Variants in ZFAT observed in about 807,000 individuals in gnomAD.
ZFAT encodes the protein zinc finger protein ZFAT.
Under a neutral mutation model 117.7 loss-of-function variants are expected in ZFAT, and 64 were observed. That is an observed-to-expected ratio of 0.54 (90% confidence interval 0.44 to 0.67). The LOEUF (loss-of-function observed/expected upper bound fraction) is 0.67. Ranked by LOEUF, ZFAT falls within the 30% of genes least tolerant of loss-of-function variation. The pLI, the probability that ZFAT is intolerant of heterozygous loss-of-function variation, is 0.00. For missense variants in ZFAT, 1,433 were observed against 1,584.5 expected (o/e 0.90, Z 1.62); for synonymous variants, 679 against 615.0 (o/e 1.10, Z -1.54).
At chr8:134,721,433 C>T in the ZFAT span, among the ~76,000 whole-genome samples, 19 of 152,154 alleles carry the variant, frequency 1.2e-4, no homozygotes, top group African/African-American at 1.4e-4. Flanking sequence ...CCTTTCAAAC[C>T]GAGGAGCTCA....
intron 10 of ZFAT, among the ~76,000 whole-genome samples, chr8:134,566,998 T>A (rs1824515910): frequency 6.6e-6 from 1 of 152,172 alleles, no homozygotes; most frequent in Non-Finnish European, 1.5e-5. Context: ...CTACTCTAAG[T>A]CTACAAGCAT....
intron 3 of ZFAT, among the ~76,000 whole-genome samples, chr8:134,628,850 T>C (rs1158455689): frequency 6.6e-6 from 1 of 152,192 alleles, no homozygotes; most frequent in Non-Finnish European, 1.5e-5. Flanking sequence ...AGGAAATGAA[T>C]TAATATTTGT....
chr8:134,558,601 G>C (rs1049806072), intron 11 of ZFAT, among the ~76,000 whole-genome samples: 1 of 152,136 alleles, frequency 6.6e-6, no homozygotes, highest in African/African-American at 2.4e-5. Context: ...TTTAGAGTGA[G>C]CTATTTTTAA....
chr8:134,645,435 G>C (rs1219794523), intron 2 of ZFAT, among the ~76,000 whole-genome samples: 1 of 152,022 alleles, frequency 6.6e-6, no homozygotes, highest in Non-Finnish European at 1.5e-5. Flanking sequence ...TTTAACTAAG[G>C]AATTCATGCT....
chr8:134,641,004 C>T (rs1272450993), intron 2 of ZFAT, among the ~76,000 whole-genome samples: 1 of 152,100 alleles, frequency 6.6e-6, no homozygotes. Context: ...CTAAAGATGT[C>T]TCTCCAGTAA....
the ZFAT span, among the ~76,000 whole-genome samples, chr8:134,756,992 C>T: frequency 7.3e-5 from 11 of 150,590 alleles, no homozygotes; most frequent in South Asian, 2.1e-3. Context: ...TCCCTCTGCC[C>T]ATTCCCACCT....
At chr8:134,809,905 C>G in the ZFAT span, among the ~76,000 whole-genome samples, 2 of 152,136 alleles carry the variant, frequency 1.3e-5, no homozygotes, top group African/African-American at 4.8e-5. Flanking sequence ...AGTGCCCACT[C>G]AAAGACCTAG....
chr8:134,555,134 G>A (rs995206561), intron 11 of ZFAT, among the ~76,000 whole-genome samples: 4 of 152,180 alleles, frequency 2.6e-5, no homozygotes, highest in African/African-American at 7.2e-5. Context: ...AACCAGGTGC[G>A]AGCTGCCAAG....
At chr8:134,550,788 T>C (rs905903230) in intron 11 of ZFAT, among the ~76,000 whole-genome samples, 3 of 152,160 alleles carry the variant, frequency 2.0e-5, no homozygotes, top group African/African-American at 7.2e-5. Context: ...CAAACCAATT[T>C]AACAAATGGC....
At chr8:134,651,214 T>A (rs578007209) in intron 2 of ZFAT, among the ~76,000 whole-genome samples, 30 of 152,362 alleles carry the variant, frequency 2.0e-4, no homozygotes, top group African/African-American at 6.7e-4. Flanking sequence ...CAAATATTCA[T>A]GTGAAAACTT....
At chr8:134,712,539 C>A (rs1293966047) in intron 1 of ZFAT, among the ~76,000 whole-genome samples, 1 of 151,926 alleles carries the variant, frequency 6.6e-6, no homozygotes, top group Non-Finnish European at 1.5e-5. Flanking sequence ...GCGCCCACTG[C>A]GTTCCGTCGC....
intron 10 of ZFAT, 109 bp from the exon 11 acceptor site, chr8:134,565,530 G>C: frequency 1.9e-6 from 2 of 1,032,120 alleles, no homozygotes; most frequent in Non-Finnish European, 2.9e-6. Context: ...TGCCATGTGA[G>C]GATCAGAATC....
intron 14 of ZFAT, chr8:134,510,274 C>A: frequency 2.4e-6 from 1 of 411,408 alleles, no homozygotes; most frequent in South Asian, 1.7e-5. Context: ...TTTTAACCAT[C>A]TCTAAAGACG....
At chr8:134,749,929 A>T in the ZFAT span, among the ~76,000 whole-genome samples, 3 of 152,284 alleles carry the variant, frequency 2.0e-5, no homozygotes, top group African/African-American at 7.2e-5. Flanking sequence ...TGATAACTAA[A>T]ATACTGTAAT....
intron 15 of ZFAT, among the ~76,000 whole-genome samples, chr8:134,493,444 C>T (rs892807966): frequency 3.9e-5 from 6 of 152,220 alleles, no homozygotes; most frequent in East Asian, 1.9e-4. Flanking sequence ...ACTGGCCAAA[C>T]CAACTCACTG....
At chr8:134,518,168 A>G (rs1041061122) in intron 13 of ZFAT, among the ~76,000 whole-genome samples, 1 of 151,996 alleles carries the variant, frequency 6.6e-6, no homozygotes, top group African/African-American at 2.4e-5. Flanking sequence ...CATTCCTTCT[A>G]CATTTATTAA....
chr8:134,569,252 G>A (rs945647238), intron 10 of ZFAT, among the ~76,000 whole-genome samples: 4 of 151,986 alleles, frequency 2.6e-5, no homozygotes, highest in Admixed American at 6.6e-5. Flanking sequence ...GCCAGATCAC[G>A]AAGCTTCAAA....
At chr8:134,481,884 C>A (rs543241468) in intron 15 of ZFAT, among the ~76,000 whole-genome samples, 2 of 152,158 alleles carry the variant, frequency 1.3e-5, no homozygotes, top group Admixed American at 1.3e-4. Flanking sequence ...ACATCACAGG[C>A]GAGAGAAGAG....
intron 11 of ZFAT, among the ~76,000 whole-genome samples, chr8:134,536,205 T>C (rs1344404949): frequency 6.6e-6 from 1 of 152,202 alleles, no homozygotes; most frequent in Non-Finnish European, 1.5e-5. Context: ...GCAATTTCTA[T>C]CAAAATTTTC....
Sources: allele counts gnomAD v4.1 joint callset (sites outside exome capture counted in the v4.1 genomes callset), GRCh38; gene constraint gnomAD v4.1.1; transcripts MANE v1.5; gene names NCBI Gene and HGNC (gene_info 2026-07-23, HGNC 2026-07-21).